The following SLC6A2 variants were observed in gnomAD, a reference collection of about 807,000 sequenced individuals.
SLC6A2 encodes the protein sodium-dependent noradrenaline transporter.
In SLC6A2, 26 loss-of-function variants were observed where a neutral mutation model predicts 71.7. That is an observed-to-expected ratio of 0.36 (90% CI 0.27 to 0.50). The LOEUF (loss-of-function observed/expected upper bound fraction) is 0.50, where lower values mean the gene tolerates loss of function less well. Among genes scored for constraint, SLC6A2 ranks in the 20% least tolerant of loss-of-function variants. The pLI, the probability that SLC6A2 is intolerant of heterozygous loss-of-function variation, is 0.96. For missense variants in SLC6A2, 581 were observed against 803.9 expected (o/e 0.72, Z 3.35); for synonymous variants, 363 against 337.9 (o/e 1.07, Z -0.82).
Position 55,701,909 on chromosome 16 carries a change from C to G in SLC6A2, c.1805C>G (p.Ala602Gly). ...CCAGAGAACGAGCACCACCTGGTGG[C>G]TCAGAGGGACATCAGACAGTTCCAG... is the stretch of plus-strand genomic sequence containing the variant. Reference protein sequence around the residue: ...ITPENEHHLVAQRDIRQFQLQ... With the variant: ...ITPENEHHLVGQRDIRQFQLQ... The change falls in exon 14 of 15, where the codon GCT becomes GGT. Residue 602 changes from alanine to glycine, a missense_variant. This residue lies in a region of SLC6A2 where 334 missense variants were observed against 449.0 expected (regional missense o/e 0.74). Coordinates refer to ENST00000568943, the MANE Select transcript of SLC6A2 (RefSeq NM_001172501.3). 6.2e-7 allele frequency: 1 copy of G among 1,613,966 alleles called. No individual in the cohort carries two copies. Among genetic ancestry groups the G allele is most frequent in the South Asian group, 1.1e-5 (1 of 91,074 alleles).
chr16:55,677,282 T>C (rs960064914), intron 4 of SLC6A2, among the ~76,000 whole-genome samples: 3 of 151,642 alleles, frequency 2.0e-5, no homozygotes, highest in Non-Finnish European at 4.4e-5. Flanking sequence ...GTAAAGATAG[T>C]GGAGCAGAGT....
intron 4 of SLC6A2, among the ~76,000 whole-genome samples, chr16:55,683,630 A>C: frequency 6.6e-6 from 1 of 151,980 alleles, no homozygotes; most frequent in South Asian, 2.1e-4. Context: ...ACAAACAAAC[A>C]AACAAACGAA....
chr16:55,699,786 C>A, intron 12 of SLC6A2, 132 bp downstream of exon 12: 1 of 733,716 alleles, frequency 1.4e-6, no homozygotes, highest in South Asian at 1.5e-5. Flanking sequence ...AGAGGGGTCA[C>A]TTGGGATGCT....
Position 55,656,592 on chromosome 16 carries a change from C to A in SLC6A2, c.-51-52C>A. 1 of 1,475,890 alleles carries A rather than the reference C, an allele frequency of 6.8e-7. No individual in the cohort carries two copies. The highest frequency in any genetic ancestry group is 9.4e-7 in the Non-Finnish European group (1 of 1,064,316). 91.4% of individuals were successfully genotyped at this position (1,475,890 alleles called of 1,614,324 possible). ...CGCTCCCGGGTGGTCTTGGGAGTTG[C>A]AAGTAGGGAGGAACGGCCGGGTAAC... On this transcript the variant is annotated intron_variant, in intron 1 of 14. Transcript: ENST00000568943. This position sits in a 1 kb window ranked among gnomAD's most constrained non-coding sequence, Gnocchi z 4.5.
At position 55,656,894 on chromosome 16, in the gene SLC6A2, T is replaced by C; in HGVS notation, c.200T>C (p.Leu67Pro). The C allele has an allele frequency of 6.2e-7, 1 of 1,614,068 alleles. No individual in the cohort carries two copies. Among genetic ancestry groups the C allele is most frequent in the African/African-American group, 1.3e-5 (1 of 75,068 alleles). The change falls in exon 2 of 15, where the codon CTG becomes CCG. Residue 67 changes from leucine (L) to proline (P), a missense_variant. Physicochemically the swap from Leu to Pro is moderately conservative, Grantham distance 98. Coordinates refer to ENST00000568943, the MANE Select transcript of SLC6A2 (RefSeq NM_001172501.3). This position sits in a 1 kb window ranked among gnomAD's most constrained non-coding sequence, Gnocchi z 4.5. ...TGGGGCAAGAAGATCGACTTCCTGC[T>C]GTCCGTAGTCGGCTTCGCAGTGGAC... is the stretch of plus-strand genomic sequence containing the variant. ...ETWGKKIDFL[L>P]SVVGFAVDLA... is the part of the protein sequence containing the mutation.
In SLC6A2 at chr16:55,705,164, C is replaced by T. The variant is rs1048327813; in HGVS notation, c.*2818C>T. 2.3e-5 allele frequency: 28 copies of T among 1,218,412 alleles called. No homozygotes were observed. The highest frequency in any genetic ancestry group is 6.0e-5 in the Admixed American group (3 of 50,178). The allele number at this position is 1,218,412 out of a possible 1,614,324, so 75.5% of individuals were successfully genotyped here. A position where few individuals can be genotyped will look rare whatever the true frequency, so the allele number is the denominator to read the frequency against. Reference sequence around the variant, plus strand: ...TATCAGTTTGAGAACATCACATTTACGTCTACTCAATGTCTAGTTATTTAG... The same window carrying T: ...TATCAGTTTGAGAACATCACATTTATGTCTACTCAATGTCTAGTTATTTAG... On this transcript the variant is annotated 3_prime_UTR_variant, in exon 15 of 15. Transcript: ENST00000568943.
chr16:55,677,015 A>G (rs1207730036), intron 4 of SLC6A2, among the ~76,000 whole-genome samples: 3 of 152,162 alleles, frequency 2.0e-5, no homozygotes, highest in Non-Finnish European at 2.9e-5. Context: ...AATTTCCATC[A>G]GTAGCTCCCC....
chr16:55,700,910 T>C (rs76053061), intron 13 of SLC6A2, among the ~76,000 whole-genome samples: 2,864 of 152,294 alleles, frequency 0.019, 110 homozygotes, highest in African/African-American at 0.065. Context: ...TTTAGGAAAC[T>C]GCCCTTTATT....
chr16:55,690,280 A>G lies in SLC6A2; in HGVS notation c.784-1638A>G, dbSNP rs76977443. Among the ~76,000 whole-genome samples, 1,119 of 152,372 alleles carry G rather than the reference A, an allele frequency of 7.3e-3. 10 individuals carry two copies. The highest frequency in any genetic ancestry group is 0.025 in the African/African-American group (1,025 of 41,594). The stretch of plus-strand genomic sequence containing the variant: ...CTGGGGATTCAGGTTTGAAAAATAT[A>G]GGATTTTACTTCTAAGGAGCTCATG... On this transcript the variant is annotated intron_variant, in intron 5 of 14. Transcript: ENST00000568943.
chr16:55,691,782 T>G, intron 5 of SLC6A2, 136 bp from the exon 6 acceptor site: 1 of 1,009,354 alleles, frequency 9.9e-7, no homozygotes, highest in Non-Finnish European at 1.5e-6. Flanking sequence ...GAGCTGGAAC[T>G]TGTAGCATGT....
At chr16:55,679,980 G>A (rs1965219259) in intron 4 of SLC6A2, among the ~76,000 whole-genome samples, 1 of 152,170 alleles carries the variant, frequency 6.6e-6, no homozygotes, top group African/African-American at 2.4e-5. Context: ...CAGCATCCCT[G>A]GCCTCTACCC....
At chr16:55,663,195 A>G (rs1964656210) in intron 2 of SLC6A2, among the ~76,000 whole-genome samples, 1 of 152,084 alleles carries the variant, frequency 6.6e-6, no homozygotes, top group Non-Finnish European at 1.5e-5. Context: ...TATGGTTTAG[A>G]TATGGTTTGT....
At chr16:55,689,750 G>C (rs1402225411) in intron 5 of SLC6A2, among the ~76,000 whole-genome samples, 1 of 152,188 alleles carries the variant, frequency 6.6e-6, no homozygotes, top group African/African-American at 2.4e-5. Context: ...ACTTTCCAGG[G>C]CATGTTTCCC....
chr16:55,683,780 A>G (rs917316996), intron 4 of SLC6A2, among the ~76,000 whole-genome samples: 4 of 152,218 alleles, frequency 2.6e-5, no homozygotes, highest in Non-Finnish European at 4.4e-5. Flanking sequence ...CTCAGGAAAG[A>G]GCATGATGAA....
intron 4 of SLC6A2, among the ~76,000 whole-genome samples, chr16:55,683,713 A>G (rs1245064145): frequency 1.3e-5 from 2 of 152,202 alleles, no homozygotes; most frequent in Admixed American, 1.3e-4. Flanking sequence ...AGTGACTATC[A>G]TCAAGCGACA....
At position 55,702,305 on chromosome 16, in the gene SLC6A2, C is replaced by A; in HGVS notation, c.1831-18C>A. On this transcript the variant is annotated intron_variant, in intron 14 of 14. Transcript: ENST00000568943. Reference sequence around the variant, plus strand: ...TGTCCCCACCATGTCATCAAGTCCTCGCTGTCTTTCTCTGCAGTTGCAACA... The same window carrying A: ...TGTCCCCACCATGTCATCAAGTCCTAGCTGTCTTTCTCTGCAGTTGCAACA... The A allele has an allele frequency of 1.2e-6, 2 of 1,613,950 alleles. No individual in the cohort carries two copies. Among genetic ancestry groups the A allele is most frequent in the African/African-American group, 2.7e-5 (2 of 75,066 alleles).
At chr16:55,658,652 A>T (rs531404577) in intron 2 of SLC6A2, among the ~76,000 whole-genome samples, 85 of 152,298 alleles carry the variant, frequency 5.6e-4, no homozygotes, top group Non-Finnish European at 1.0e-3. Context: ...GTTTGCGTCC[A>T]TGGTCTCCCT....
intron 4 of SLC6A2, among the ~76,000 whole-genome samples, chr16:55,681,987 A>C (rs1382430884): frequency 1.3e-5 from 2 of 152,164 alleles, no homozygotes; most frequent in African/African-American, 4.8e-5. Flanking sequence ...GCTCACTGCA[A>C]TCTCCATCTC....
intron 4 of SLC6A2, among the ~76,000 whole-genome samples, chr16:55,680,363 C>T (rs1403613542): frequency 6.6e-6 from 1 of 152,138 alleles, no homozygotes; most frequent in Non-Finnish European, 1.5e-5. Context: ...TATCGACTCA[C>T]ACGATAACAA....
Sources: allele counts gnomAD v4.1 joint callset (sites outside exome capture counted in the v4.1 genomes callset), GRCh38; gene constraint gnomAD v4.1.1; regional missense constraint gnomAD v4.1.1; non-coding constraint Gnocchi (gnomAD v3.1); transcripts MANE v1.5; gene names NCBI Gene and HGNC (gene_info 2026-07-23, HGNC 2026-07-21).